The following SERINC2 variants were observed in gnomAD, a reference collection of about 807,000 sequenced individuals.
SERINC2 encodes tumor differentially expressed protein 2.
Under a neutral mutation model 54.2 loss-of-function variants are expected in SERINC2, and 56 were observed. The observed-to-expected ratio is 1.03, with a 90% confidence interval of 0.83 to 1.29. SERINC2 has a LOEUF of 1.29. SERINC2 is among the 50% of genes most tolerant of loss of function. The probability of loss-of-function intolerance (pLI) is 0.00; values close to 1 mark genes in which losing one functional copy is unlikely to be tolerated. For synonymous variants in SERINC2, 272 were observed against 253.1 expected (o/e 1.07, Z -0.71); for missense variants, 614 against 607.4 (o/e 1.01, Z -0.12).
At position 31,414,279 on chromosome 1, in the gene SERINC2, C is replaced by T. The variant is rs150026759; in HGVS notation, c.39+975C>T. The T allele has an allele frequency of 9.0e-4, 1,189 of 1,323,856 alleles. 12 individuals are homozygous for T. In the African/African-American group the frequency reaches 0.016, roughly 18 times the overall value. The allele number at this position is 1,323,856 out of a possible 1,614,324, so 82.0% of individuals were successfully genotyped here. A position where few individuals can be genotyped will look rare whatever the true frequency, so the allele number is the denominator to read the frequency against. On this transcript the variant is annotated intron_variant, in intron 1 of 9. Coordinates refer to ENST00000373709, the MANE Select transcript of SERINC2 (RefSeq NM_178865.5). ...CTTCCCTTTCCCCAGCCCCCCTCTCCTTTCCTCTTCCCCTCATTAAATCTG... is the reference window on the plus strand; with the variant it reads ...CTTCCCTTTCCCCAGCCCCCCTCTCTTTTCCTCTTCCCCTCATTAAATCTG...
rs1640706238 is a variant in SERINC2, at chr1:31,413,809, G to C, written c.39+505G>C. ...CCTGTCGCTCGGGCTCCGCCTGTCC[G>C]TTCGTATTTGTCTGGTTCCTGTCTG... On this transcript the variant is annotated intron_variant, in intron 1 of 9. Transcript: ENST00000373709. The surrounding 1 kb of genome is among the most constrained non-coding windows in gnomAD (Gnocchi z 5.0). 5 of 1,384,004 alleles carry C rather than the reference G, an allele frequency of 3.6e-6. No homozygotes were observed. Among genetic ancestry groups the C allele is most frequent in the Non-Finnish European group, 3.7e-6 (4 of 1,074,932 alleles). The allele number at this position is 1,384,004 out of a possible 1,614,324, so 85.7% of individuals were successfully genotyped here. A position where few individuals can be genotyped will look rare whatever the true frequency, so the allele number is the denominator to read the frequency against.
At chr1:31,432,885 T>C in intron 8 of SERINC2, 82 bp from the exon 9 acceptor site, 1 of 1,162,420 alleles carries the variant, frequency 8.6e-7, no homozygotes, top group East Asian at 2.6e-5. Context: ...CGCTGGCCTC[T>C]GAGGCTCTGG....
chr1:31,423,834 G>A lies in SERINC2; in HGVS notation c.181G>A (p.Val61Met), dbSNP rs149433560. 1.3e-4 allele frequency: 202 copies of A among 1,614,024 alleles called. 2 individuals carry two copies. The highest frequency in any genetic ancestry group is 1.0e-3 in the South Asian group (94 of 91,084). Residue 61 changes from valine (V) to methionine (M), a missense_variant, in exon 2 of 10, where the codon GTG becomes ATG. By Grantham distance (21) the Val-to-Met change is conservative. Transcript: ENST00000373709. ...LVSIIMLSPG[V>M]ESQLYKLPWV... ...GTCCATCATTATGCTGAGCCCGGGCGTGGAGAGTCAGCTCTACAAGGTGAG... is the reference window on the plus strand; with the variant it reads ...GTCCATCATTATGCTGAGCCCGGGCATGGAGAGTCAGCTCTACAAGGTGAG...
chr1:31,432,174 T>TGGAGAGGGTGGATAGGGTGGAC lies in SERINC2; in HGVS notation c.1014-793_1014-792insGGAGAGGGTGGATAGGGTGGAC, dbSNP rs1641306916. 1.2e-4 allele frequency among the ~76,000 whole-genome samples: 3 copies of TGGAGAGGGTGGATAGGGTGGAC among 24,320 alleles called. 1 individual carries two copies. Among genetic ancestry groups the TGGAGAGGGTGGATAGGGTGGAC allele is most frequent in the Non-Finnish European group, 1.5e-4 (1 of 6,666 alleles). 16.0% of individuals were successfully genotyped at this position (24,320 alleles called of 152,430 possible). On this transcript the variant is annotated intron_variant, in intron 8 of 9. Coordinates refer to ENST00000373709, the MANE Select transcript of SERINC2 (RefSeq NM_178865.5). ...GGGTGGACAGGGTGGATAGGGTGGA[T>TGGAGAGGGTGGATAGGGTGGAC]AGGGTGGATAGGGTGGTTAGAGTGG...
At chr1:31,425,735 G>C (rs1641023598) in intron 4 of SERINC2, 41 bp from the exon 5 acceptor site, 1 of 1,602,734 alleles carries the variant, frequency 6.2e-7, no homozygotes, top group Non-Finnish European at 8.5e-7. Context: ...GTAGATGTGA[G>C]AGAGGGACCC....
chr1:31,428,427 G>A (rs925885297), intron 6 of SERINC2, among the ~76,000 whole-genome samples: 2 of 152,196 alleles, frequency 1.3e-5, no homozygotes, highest in Non-Finnish European at 2.9e-5. Context: ...CAGGGGACTA[G>A]GCCCAGTGAG....
chr1:31,426,205 G>A (rs1641037731), intron 5 of SERINC2, among the ~76,000 whole-genome samples: 1 of 152,104 alleles, frequency 6.6e-6, no homozygotes, highest in South Asian at 2.1e-4. Flanking sequence ...CCTTTTGGTG[G>A]TGCCCAGGCT....
chr1:31,432,191 T>TAGGGTGGA (rs1641311423), intron 8 of SERINC2, among the ~76,000 whole-genome samples: 3 of 36,210 alleles, frequency 8.3e-5, no homozygotes, highest in Non-Finnish European at 1.5e-4. Flanking sequence ...GATAGGGTGG[T>TAGGGTGGA]TAGAGTGGAG....
intron 4 of SERINC2, 73 bp from the exon 5 acceptor site, chr1:31,425,703 G>A: frequency 1.3e-6 from 2 of 1,545,564 alleles, no homozygotes; most frequent in African/African-American, 1.4e-5. Context: ...GCAGGGTGTA[G>A]CAGAAAACGC....
At position 31,413,473 on chromosome 1, in the gene SERINC2, G is replaced by A. The variant is rs1640696268; in HGVS notation, c.39+169G>A. Among the ~76,000 whole-genome samples the A allele has an allele frequency of 6.6e-6, 1 of 151,988 alleles. No individual in the cohort carries two copies. The highest frequency in any genetic ancestry group is 2.1e-4 in the South Asian group (1 of 4,820). On this transcript the variant is annotated intron_variant, in intron 1 of 9. Coordinates refer to ENST00000373709, the MANE Select transcript of SERINC2 (RefSeq NM_178865.5). The surrounding 1 kb of genome is among the most constrained non-coding windows in gnomAD (Gnocchi z 5.0). ...CTCCTGGACCTTCACTCGGCACCCGGATCCCGCTGCCCCCGTCCCCCTGCT... is the reference window on the plus strand; with the variant it reads ...CTCCTGGACCTTCACTCGGCACCCGAATCCCGCTGCCCCCGTCCCCCTGCT...
chr1:31,426,894 G>T, intron 6 of SERINC2, 71 bp downstream of exon 6: 1 of 1,432,484 alleles, frequency 7.0e-7, no homozygotes, highest in South Asian at 1.2e-5. Flanking sequence ...TAGGAACCTG[G>T]GTCCTGGGGC....
intron 8 of SERINC2, 151 bp from the exon 9 acceptor site, chr1:31,432,816 G>T: frequency 1.6e-6 from 1 of 618,228 alleles, no homozygotes; most frequent in African/African-American, 1.8e-5. Context: ...TGGGAGTGGG[G>T]GTAGGGGTAG....
intron 8 of SERINC2, among the ~76,000 whole-genome samples, chr1:31,432,449 G>A (rs1553134846): frequency 6.6e-6 from 1 of 152,028 alleles, no homozygotes; most frequent in Non-Finnish European, 1.5e-5. Context: ...TAAGCATGAA[G>A]GAAAGGGAGG....
intron 1 of SERINC2, among the ~76,000 whole-genome samples, chr1:31,422,829 G>A (rs1014455775): frequency 3.3e-5 from 5 of 152,174 alleles, no homozygotes; most frequent in Admixed American, 3.3e-4. Context: ...GTCATCACCA[G>A]CCCCTGAATG....
chr1:31,412,599 G>A (rs182411936), upstream of SERINC2, among the ~76,000 whole-genome samples: 35 of 152,256 alleles, frequency 2.3e-4, no homozygotes, highest in Admixed American at 2.0e-3. Context: ...AGCCCAGGAG[G>A]TCGAGGCTGC....
At chr1:31,422,091 G>A (rs1053080004) in intron 1 of SERINC2, among the ~76,000 whole-genome samples, 1 of 152,138 alleles carries the variant, frequency 6.6e-6, no homozygotes, top group Non-Finnish European at 1.5e-5. Context: ...TTGAGCCCAG[G>A]AGTTTGAGAC....
At chr1:31,412,652 G>C (rs1640670948), upstream of SERINC2, among the ~76,000 whole-genome samples, 1 of 152,188 alleles carries the variant, frequency 6.6e-6, no homozygotes. Context: ...CTGGGTGACA[G>C]AGCAAGACCC....
chr1:31,413,153 T>TGGGGCG (rs1553131672), upstream of SERINC2: 2 of 998,018 alleles, frequency 2.0e-6, no homozygotes, highest in Non-Finnish European at 1.2e-6. The surrounding 1 kb of genome is among the most constrained non-coding windows in gnomAD (Gnocchi z 5.0). Context: ...CTTCGGTAGG[T>TGGGGCG]GGGGCGGGGC....
rs782536386 is a variant in SERINC2, at chr1:31,426,818, G to T, written c.775G>T (p.Val259Phe). Residue 259 changes from valine (V) to phenylalanine (F), a missense_variant, in exon 6 of 10, where the codon GTC (valine) becomes TTC (phenylalanine). Physicochemically the swap from Val to Phe is conservative, Grantham distance 50 (BLOSUM62 -1). Coordinates refer to ENST00000373709, the MANE Select transcript of SERINC2 (RefSeq NM_178865.5). Reference protein sequence around the residue: ...CVSIAAVLPKVQDAQPNSGLL... With the variant: ...CVSIAAVLPKFQDAQPNSGLL... Reference sequence around the variant, plus strand: ...GTCCATCGCTGCTGTCCTGCCCAAGGTCCAGGTGAGCCTGCCTGACCCCCC... The same window carrying T: ...GTCCATCGCTGCTGTCCTGCCCAAGTTCCAGGTGAGCCTGCCTGACCCCCC... The T allele has an allele frequency of 6.2e-7, 1 of 1,613,006 alleles. No individual in the cohort carries two copies. The highest frequency in any genetic ancestry group is 1.1e-5 in the South Asian group (1 of 91,046).
Sources: allele counts gnomAD v4.1 joint callset (sites outside exome capture counted in the v4.1 genomes callset), GRCh38; gene constraint gnomAD v4.1.1; non-coding constraint Gnocchi (gnomAD v3.1); transcripts MANE v1.5; gene names NCBI Gene and HGNC (gene_info 2026-07-23, HGNC 2026-07-21).